MLIP: variants seen among roughly 807,000 people sequenced by gnomAD.
The protein encoded by MLIP is muscular LMNA interacting protein.
Under a neutral mutation model 84.8 loss-of-function variants are expected in MLIP, and 79 were observed. The ratio of observed to expected loss-of-function variants is 0.93; its 90% CI spans 0.78 to 1.12. MLIP has a LOEUF of 1.12. Ranked by LOEUF, MLIP falls within the 50% of genes most tolerant of loss-of-function variation. The pLI, the probability that MLIP is intolerant of heterozygous loss-of-function variation, is 0.00. For synonymous variants in MLIP, 504 were observed against 463.0 expected (o/e 1.09, Z -1.14); for missense variants, 1,257 against 1,160.6 (o/e 1.08, Z -1.21).
intron 11 of MLIP, chr6:54,215,386 T>A: frequency 7.7e-7 from 1 of 1,292,598 alleles, no homozygotes; most frequent in South Asian, 2.5e-5. Context: ...TAATCACCAT[T>A]TCTAATGGAA....
At chr6:54,178,257 T>C (rs1776501791) in intron 9 of MLIP, among the ~76,000 whole-genome samples, 1 of 152,080 alleles carries the variant, frequency 6.6e-6, no homozygotes, top group African/African-American at 2.4e-5. Flanking sequence ...GTAGTTTCAG[T>C]TGTAATGTTT....
intron 9 of MLIP, among the ~76,000 whole-genome samples, chr6:54,181,510 C>T (rs1007764430): frequency 9.9e-5 from 15 of 152,176 alleles, no homozygotes; most frequent in African/African-American, 3.6e-4. Flanking sequence ...GCTCTACCTC[C>T]CTGTGATCAA....
At chr6:54,185,341 T>C (rs1287185353) in intron 9 of MLIP, among the ~76,000 whole-genome samples, 1 of 152,198 alleles carries the variant, frequency 6.6e-6, no homozygotes, top group Non-Finnish European at 1.5e-5. Context: ...TTACATTTAA[T>C]TTTGCACTTT....
At chr6:54,251,687 A>G (rs1273384655) in intron 12 of MLIP, among the ~76,000 whole-genome samples, 3 of 99,246 alleles carry the variant, frequency 3.0e-5, no homozygotes, top group Non-Finnish European at 5.2e-5. Context: ...ATATAATATA[A>G]ATATATATTA....
chr6:54,039,281 C>A (rs1056184939), intron 1 of MLIP, among the ~76,000 whole-genome samples: 1 of 151,996 alleles, frequency 6.6e-6, no homozygotes, highest in African/African-American at 2.4e-5. Context: ...ATTTTATGAA[C>A]TTTAAATCAT....
intron 11 of MLIP, among the ~76,000 whole-genome samples, chr6:54,222,498 T>C (rs1461730132): frequency 3.3e-5 from 5 of 152,118 alleles, no homozygotes; most frequent in African/African-American, 1.2e-4. Flanking sequence ...TTTATTTCAC[T>C]TAACATAATG....
At chr6:54,172,583 A>G (rs910681404) in intron 9 of MLIP, among the ~76,000 whole-genome samples, 1 of 151,630 alleles carries the variant, frequency 6.6e-6, no homozygotes, top group African/African-American at 2.4e-5. Context: ...CAAATTTGCT[A>G]GTTTTCTGTG....
At chr6:54,078,959 G>C (rs1766970909) in intron 1 of MLIP, among the ~76,000 whole-genome samples, 1 of 151,952 alleles carries the variant, frequency 6.6e-6, no homozygotes, top group South Asian at 2.1e-4. Flanking sequence ...CCAAAGTGCT[G>C]GGATTACAGG....
upstream of MLIP, among the ~76,000 whole-genome samples, chr6:54,108,209 G>T (rs1366073002): frequency 6.6e-6 from 1 of 152,092 alleles, no homozygotes; most frequent in Admixed American, 6.5e-5. Context: ...ACAAAAAAAA[G>T]ATTATTCAAC....
intron 1 of MLIP, among the ~76,000 whole-genome samples, chr6:54,102,236 A>G (rs1200880209): frequency 6.6e-6 from 1 of 152,156 alleles, no homozygotes; most frequent in Non-Finnish European, 1.5e-5. Flanking sequence ...TGGACATCGT[A>G]ATTCTCTTGC....
chr6:54,188,470 A>G (rs1316580546), intron 9 of MLIP, among the ~76,000 whole-genome samples: 1 of 151,864 alleles, frequency 6.6e-6, no homozygotes, highest in Non-Finnish European at 1.5e-5. Context: ...TATTTATTAT[A>G]CTCTTTAAGC....
At chr6:54,026,252 A>T (rs955329263) in intron 1 of MLIP, among the ~76,000 whole-genome samples, 1 of 152,200 alleles carries the variant, frequency 6.6e-6, no homozygotes, top group African/African-American at 2.4e-5. Context: ...GATGATTAGG[A>T]TAATGTTCTC....
chr6:54,039,175 T>C (rs1764607349), intron 1 of MLIP, among the ~76,000 whole-genome samples: 1 of 152,028 alleles, frequency 6.6e-6, no homozygotes, highest in Admixed American at 6.6e-5. Context: ...CTAGTAATTT[T>C]ATGTCATGTT....
At position 54,138,601 on chromosome 6, in the gene MLIP, G is replaced by A. The variant is rs563809286; in HGVS notation, c.2217+315G>A. On this transcript the variant is annotated intron_variant, in intron 4 of 13. Transcript: ENST00000502396. ...AGTTATATCATTGGCCCTAATGACA[G>A]AATTAAAAGCAAGTAGTAGAGATTC... is the stretch of plus-strand genomic sequence containing the variant. 7.2e-5 allele frequency among the ~76,000 whole-genome samples: 11 copies of A among 152,206 alleles called. No homozygotes were observed. The South Asian group carries it at 2.3e-3, about 32-fold the overall frequency.
intron 1 of MLIP, among the ~76,000 whole-genome samples, chr6:54,118,088 C>T (rs536040830): frequency 3.3e-5 from 5 of 152,268 alleles, no homozygotes; most frequent in Admixed American, 3.3e-4. Context: ...GTTAAAATGC[C>T]TCTAACACCC....
chr6:54,251,100 A>T (rs1360268776), intron 12 of MLIP, among the ~76,000 whole-genome samples: 1 of 152,046 alleles, frequency 6.6e-6, no homozygotes, highest in Non-Finnish European at 1.5e-5. Flanking sequence ...GTGGTAAATG[A>T]TCTAACTATA....
intron 1 of MLIP, among the ~76,000 whole-genome samples, chr6:54,087,816 C>CTTTT (rs3996980): frequency 0.042 from 6,303 of 149,114 alleles, 431 homozygotes; most frequent in African/African-American, 0.15. Flanking sequence ...GAAAGATACT[C>CTTTT]TTTTTTTTTT....
At position 54,160,565 on chromosome 6, in the gene MLIP, C is replaced by T. The variant is rs1327648630; in HGVS notation, c.2405C>T (p.Thr802Ile). The T allele has an allele frequency of 6.2e-7, 1 of 1,612,284 alleles. No homozygotes were observed. The highest frequency in any genetic ancestry group is 1.7e-5 in the Admixed American group (1 of 59,808). ...CAGCAAACTGAAGAGCTCTGTGCTA[C>T]CATTGATAAGGTCTTACAGGATTCC... ...LRQQTEELCA[T>I]IDKVLQDSLS... The change falls in exon 7 of 14, where the codon ACC becomes ATC. Residue 802 changes from threonine to isoleucine, a missense_variant. Coordinates refer to ENST00000502396, the MANE Select transcript of MLIP (RefSeq NM_001281747.2).
intron 11 of MLIP, among the ~76,000 whole-genome samples, chr6:54,207,319 A>G (rs953616062): frequency 1.3e-5 from 2 of 151,838 alleles, no homozygotes; most frequent in African/African-American, 4.8e-5. Flanking sequence ...TTTTTTAAAA[A>G]TTGTCTTTTT....
Sources: gnomAD v4.1 joint callset for allele counts (sites outside exome capture counted in the v4.1 genomes callset) on GRCh38, gnomAD v4.1.1 for gene constraint, MANE v1.5 for transcripts, NCBI Gene and HGNC (gene_info 2026-07-23, HGNC 2026-07-21) for gene names.